The following ANKDD1B variants were observed in gnomAD, a reference collection of about 807,000 sequenced individuals.
ANKDD1B encodes ankyrin repeat and death domain containing 1B, also known as ankyrin repeat and death domain-containing protein 1B.
Under a neutral mutation model 59.7 loss-of-function variants are expected in ANKDD1B, and 57 were observed. The observed-to-expected ratio is 0.95, with a 90% CI of 0.77 to 1.19. The LOEUF is 1.19. Ranked by LOEUF, ANKDD1B falls within the 50% of genes most tolerant of loss-of-function variation. The pLI is 0.00. For synonymous variants in ANKDD1B, 216 were observed against 239.5 expected (o/e 0.90, Z 0.91); for missense variants, 602 against 641.9 (o/e 0.94, Z 0.67).
intron 6 of ANKDD1B, chr5:75,635,561 G>A (rs1309192451): frequency 1.1e-5 from 4 of 375,462 alleles, no homozygotes; most frequent in African/African-American, 2.1e-5. Flanking sequence ...AGAACAAGGA[G>A]CATGGATGAT....
At chr5:75,648,476 T>G (rs1774719715) in intron 7 of ANKDD1B, among the ~76,000 whole-genome samples, 1 of 152,016 alleles carries the variant, frequency 6.6e-6, no homozygotes, top group Non-Finnish European at 1.5e-5. Flanking sequence ...TGTCCTTAAT[T>G]ATTTTGCCCT....
At chr5:75,655,442 G>A (rs886554149) in intron 8 of ANKDD1B, among the ~76,000 whole-genome samples, 2 of 152,230 alleles carry the variant, frequency 1.3e-5, no homozygotes, top group African/African-American at 4.8e-5. Context: ...ATCAATTCAG[G>A]AAATTCCAAA....
At chr5:75,661,467 CTTAAGGAGGAAAACACAACACAGAATG>C (rs1327214470) in intron 10 of ANKDD1B, among the ~76,000 whole-genome samples, 1 of 143,682 alleles carries the variant, frequency 7.0e-6, no homozygotes, top group East Asian at 2.1e-4. Context: ...CACAGAAAAG[CTTAAGGAGGAAAACACAACACAGAATG>C]TTATCACTTG....
At chr5:75,655,726 T>C (rs1199095746) in intron 8 of ANKDD1B, among the ~76,000 whole-genome samples, 2 of 152,200 alleles carry the variant, frequency 1.3e-5, no homozygotes, top group Non-Finnish European at 2.9e-5. Context: ...GATTGGAAGA[T>C]TCCTGAGAAT....
intron 9 of ANKDD1B, among the ~76,000 whole-genome samples, chr5:75,659,010 A>G (rs1775046794): frequency 6.6e-6 from 1 of 152,170 alleles, no homozygotes; most frequent in Non-Finnish European, 1.5e-5. Flanking sequence ...TACTTTAGGT[A>G]CCTAATATTG....
Position 75,671,247 on chromosome 5 carries a change from T to G in ANKDD1B, c.*207T>G. ...TTTTTTTTGCTGAGGGCAAGTTGTA[T>G]GTGATTTTCCCATTTCTATCAATCA... On this transcript the variant is annotated 3_prime_UTR_variant, in exon 14 of 14. Coordinates refer to ENST00000601380, the MANE Select transcript of ANKDD1B (RefSeq NM_001276713.2). The G allele has an allele frequency of 2.8e-6, 1 of 351,172 alleles. No individual in the cohort carries two copies. Among genetic ancestry groups the G allele is most frequent in the Non-Finnish European group, 5.1e-6 (1 of 195,834 alleles). 21.8% of individuals were successfully genotyped at this position (351,172 alleles called of 1,614,324 possible). A position where few individuals can be genotyped will look rare whatever the true frequency, so the allele number is the denominator to read the frequency against.
At position 75,659,285 on chromosome 5, in the gene ANKDD1B, G is replaced by A; in HGVS notation, c.999G>A (p.Lys333=). ...TCCCCTCCTTAATTTCATGGCAGAA[G>A]CAGCAAACCCCTCTGCATGTAGCTG... The part of the protein sequence containing the change: ...AQHDIDILNQ[K]QQTPLHVAAD... Residue 333 remains lysine (K), a splice_region_variant and synonymous_variant, in exon 10 of 14, where the codon AAG becomes AAA. Transcript: ENST00000601380. 3 of 1,535,338 alleles carry A rather than the reference G, an allele frequency of 2.0e-6. No individual in the cohort carries two copies. The highest frequency in any genetic ancestry group is 2.6e-6 in the Non-Finnish European group (3 of 1,146,222).
chr5:75,642,184 G>T (rs1774487473), intron 7 of ANKDD1B, among the ~76,000 whole-genome samples: 1 of 152,214 alleles, frequency 6.6e-6, no homozygotes, highest in South Asian at 2.1e-4. Context: ...CACTGAAGTT[G>T]CAAGGTTATT....
chr5:75,621,342 A>G (rs1773843975), intron 3 of ANKDD1B, among the ~76,000 whole-genome samples: 1 of 152,190 alleles, frequency 6.6e-6, no homozygotes, highest in South Asian at 2.1e-4. Context: ...CCAAGTTGGA[A>G]GGTATGGAAG....
chr5:75,625,584 A>G, intron 3 of ANKDD1B, 63 bp from the exon 4 acceptor site: 1 of 1,261,750 alleles, frequency 7.9e-7, no homozygotes, highest in Non-Finnish European at 1.1e-6. Context: ...TTTGTTGATG[A>G]GGCAGTATAT....
chr5:75,641,543 A>T (rs191664811), intron 7 of ANKDD1B, among the ~76,000 whole-genome samples: 15 of 152,336 alleles, frequency 9.8e-5, no homozygotes, highest in Non-Finnish European at 2.1e-4. Context: ...TTAAATCCAT[A>T]CACATATATA....
chr5:75,671,120 G>T lies in ANKDD1B; in HGVS notation c.*80G>T. The T allele has an allele frequency of 1.7e-6, 1 of 593,564 alleles. No individual in the cohort carries two copies. 36.8% of individuals were successfully genotyped at this position (593,564 alleles called of 1,614,324 possible). A position where few individuals can be genotyped will look rare whatever the true frequency, so the allele number is the denominator to read the frequency against. On this transcript the variant is annotated 3_prime_UTR_variant, in exon 14 of 14. Transcript: ENST00000601380. ...ATGCCATAAATTTCTTCTAGCAGTA[G>T]CACTGATTTTCAACTATGATGATGG...
At chr5:75,620,547 CTT>C (rs1340438020) in intron 3 of ANKDD1B, 134 bp downstream of exon 3, 3 of 588,510 alleles carry the variant, frequency 5.1e-6, no homozygotes, top group Non-Finnish European at 9.0e-6. Context: ...GGAAAGGTCT[CTT>C]CATAGAGAAT....
At chr5:75,625,546 T>C in intron 3 of ANKDD1B, 101 bp from the exon 4 acceptor site, 1 of 847,170 alleles carries the variant, frequency 1.2e-6, no homozygotes, top group Non-Finnish European at 1.8e-6. Flanking sequence ...TATTTCTTAG[T>C]TTTCAACAAT....
chr5:75,651,520 T>C (rs775688465), intron 7 of ANKDD1B, among the ~76,000 whole-genome samples: 3 of 152,126 alleles, frequency 2.0e-5, no homozygotes, highest in Non-Finnish European at 4.4e-5. Context: ...AGGAAGATGA[T>C]GAGGGAAGCT....
intron 5 of ANKDD1B, among the ~76,000 whole-genome samples, chr5:75,629,276 TTAACC>T (rs1450397514): frequency 1.3e-5 from 2 of 152,142 alleles, no homozygotes; most frequent in Non-Finnish European, 2.9e-5. Flanking sequence ...CTTTTTTTTT[TTAACC>T]TCATGACACA....
chr5:75,658,726 A>G (rs561840930), intron 9 of ANKDD1B, among the ~76,000 whole-genome samples: 2 of 152,338 alleles, frequency 1.3e-5, no homozygotes, highest in South Asian at 4.1e-4. Flanking sequence ...TAAAGTTTCA[A>G]ATGTTATATC....
intron 5 of ANKDD1B, among the ~76,000 whole-genome samples, chr5:75,630,064 G>T (rs1411828077): frequency 6.6e-6 from 1 of 152,166 alleles, no homozygotes; most frequent in Non-Finnish European, 1.5e-5. Flanking sequence ...CCCAAGGCCT[G>T]GAGCCCAGGG....
intron 7 of ANKDD1B, 51 bp from the exon 8 acceptor site, chr5:75,653,091 T>C (rs1167622558): frequency 4.0e-6 from 5 of 1,253,640 alleles, no homozygotes; most frequent in Non-Finnish European, 4.5e-6. Flanking sequence ...CCAGAAAACA[T>C]GCTGAATTAT....
Sources: gnomAD v4.1 joint callset for allele counts (sites outside exome capture counted in the v4.1 genomes callset) on GRCh38, gnomAD v4.1.1 for gene constraint, MANE v1.5 for transcripts, NCBI Gene and HGNC (gene_info 2026-07-23, HGNC 2026-07-21) for gene names.